Variants in CPQ observed in about 807,000 individuals in gnomAD.
CPQ encodes the protein Ser-Met dipeptidase.
Under a neutral mutation model 45.7 loss-of-function variants are expected in CPQ, and 37 were observed. That is an observed-to-expected ratio of 0.81 (90% CI 0.62 to 1.07). The LOEUF (loss-of-function observed/expected upper bound fraction) is 1.07. Among genes scored for constraint, CPQ ranks in the 50% least tolerant of loss-of-function variants. The pLI, the probability that CPQ is intolerant of heterozygous loss-of-function variation, is 0.00. For missense variants in CPQ, 537 were observed against 572.9 expected (o/e 0.94, Z 0.64); for synonymous variants, 186 against 205.8 (o/e 0.90, Z 0.82).
intron 6 of CPQ, among the ~76,000 whole-genome samples, chr8:97,031,745 A>G (rs1809911097): frequency 6.6e-6 from 1 of 152,234 alleles, no homozygotes; most frequent in African/African-American, 2.4e-5. Flanking sequence ...GACAGCATCC[A>G]GGCTGCCTCC....
intron 7 of CPQ, among the ~76,000 whole-genome samples, chr8:97,085,956 T>C (rs1194907233): frequency 6.6e-6 from 1 of 152,150 alleles, no homozygotes; most frequent in Non-Finnish European, 1.5e-5. Flanking sequence ...AAGTAGCATA[T>C]TTGGAGGCTT....
At chr8:97,104,685 C>T (rs367599925) in intron 7 of CPQ, among the ~76,000 whole-genome samples, 7 of 152,272 alleles carry the variant, frequency 4.6e-5, no homozygotes, top group African/African-American at 1.7e-4. Flanking sequence ...ACAAAATATT[C>T]CCTGAAGGCC....
intron 1 of CPQ, among the ~76,000 whole-genome samples, chr8:96,732,666 C>G (rs1268821549): frequency 1.3e-5 from 2 of 151,766 alleles, no homozygotes; most frequent in Non-Finnish European, 2.9e-5. Flanking sequence ...CATAGGATCT[C>G]TTTTAGCAAT....
chr8:96,967,864 T>A (rs1414543944), intron 5 of CPQ, among the ~76,000 whole-genome samples: 1 of 152,238 alleles, frequency 6.6e-6, no homozygotes, highest in Non-Finnish European at 1.5e-5. Context: ...TCTCTGTGCC[T>A]CAATTTTCTC....
At chr8:97,074,088 A>G (rs1366998600) in intron 7 of CPQ, among the ~76,000 whole-genome samples, 1 of 152,210 alleles carries the variant, frequency 6.6e-6, no homozygotes, top group East Asian at 1.9e-4. Context: ...AAATTGTTAT[A>G]CCATTGGGCA....
intron 1 of CPQ, among the ~76,000 whole-genome samples, chr8:96,724,742 A>G (rs2130765534): frequency 1.3e-5 from 2 of 152,332 alleles, no homozygotes; most frequent in South Asian, 2.1e-4. Context: ...TTCTCACAGA[A>G]TTAGATAAAA....
chr8:96,712,516 C>T (rs1262174661), intron 1 of CPQ, among the ~76,000 whole-genome samples: 2 of 152,218 alleles, frequency 1.3e-5, no homozygotes, highest in Non-Finnish European at 2.9e-5. Flanking sequence ...GCTTCCCAAA[C>T]CCCAGTTCTT....
chr8:97,083,707 A>G (rs1446009346), intron 7 of CPQ, among the ~76,000 whole-genome samples: 1 of 152,202 alleles, frequency 6.6e-6, no homozygotes, highest in Non-Finnish European at 1.5e-5. Flanking sequence ...GAGTGAATGT[A>G]TAAAAGCACC....
intron 1 of CPQ, among the ~76,000 whole-genome samples, chr8:96,683,260 T>C (rs1215010102): frequency 2.0e-5 from 3 of 152,180 alleles, no homozygotes; most frequent in Admixed American, 6.5e-5. Flanking sequence ...ATTTCTTTCA[T>C]TTCTGAAGGA....
chr8:97,123,830 G>T (rs900564140), intron 7 of CPQ, among the ~76,000 whole-genome samples: 2 of 152,046 alleles, frequency 1.3e-5, no homozygotes, highest in African/African-American at 4.8e-5. Context: ...AAGATATACA[G>T]CAAATTCTGT....
chr8:96,912,149 G>A (rs1266428618), intron 4 of CPQ, among the ~76,000 whole-genome samples: 2 of 152,174 alleles, frequency 1.3e-5, no homozygotes, highest in African/African-American at 4.8e-5. Context: ...TTATTAGGAA[G>A]CTTTAGCTGG....
At chr8:97,100,625 G>A (rs1811287055) in intron 7 of CPQ, among the ~76,000 whole-genome samples, 1 of 152,030 alleles carries the variant, frequency 6.6e-6, no homozygotes, top group Non-Finnish European at 1.5e-5. Context: ...CTAAATTTGA[G>A]AATAATACAT....
chr8:96,916,946 G>A (rs1812741869), intron 4 of CPQ, among the ~76,000 whole-genome samples: 1 of 152,132 alleles, frequency 6.6e-6, no homozygotes. Context: ...CACATCAAGG[G>A]TGCAAACTAT....
At chr8:96,888,123 A>G (rs754996178) in intron 4 of CPQ, among the ~76,000 whole-genome samples, 1 of 152,184 alleles carries the variant, frequency 6.6e-6, no homozygotes, top group Non-Finnish European at 1.5e-5. Flanking sequence ...ATTCTTGGCC[A>G]CTAACCACTA....
At chr8:97,016,703 T>C (rs768942941) in intron 5 of CPQ, among the ~76,000 whole-genome samples, 3 of 152,124 alleles carry the variant, frequency 2.0e-5, no homozygotes, top group Non-Finnish European at 4.4e-5. Context: ...GAAAGTATTA[T>C]AGAGATAGGC....
At chr8:97,142,213 A>G (rs17737465) in intron 7 of CPQ, among the ~76,000 whole-genome samples, 37,800 of 152,250 alleles carry the variant, frequency 0.25, 6,004 homozygotes, top group Non-Finnish European at 0.34. Context: ...CAGTCAACCA[A>G]CCAATCAATC....
intron 1 of CPQ, among the ~76,000 whole-genome samples, chr8:96,654,257 C>CT (rs1815612534): frequency 6.6e-6 from 1 of 152,178 alleles, no homozygotes; most frequent in South Asian, 2.1e-4. Context: ...CATTCACCAC[C>CT]TTTTTTCCCA....
At chr8:96,793,352 A>G (rs973624766) in intron 2 of CPQ, among the ~76,000 whole-genome samples, 1 of 152,174 alleles carries the variant, frequency 6.6e-6, no homozygotes, top group African/African-American at 2.4e-5. Context: ...CAGAAAGTGA[A>G]AGGCATATCT....
intron 4 of CPQ, among the ~76,000 whole-genome samples, chr8:96,926,697 C>T (rs572693800): frequency 1.3e-5 from 2 of 148,816 alleles, no homozygotes; most frequent in African/African-American, 5.0e-5. Context: ...TTTTATTGTA[C>T]TTTAAGTTCT....
Sources: gnomAD v4.1 joint callset for allele counts (sites outside exome capture counted in the v4.1 genomes callset) on GRCh38, gnomAD v4.1.1 for gene constraint, MANE v1.5 for transcripts, NCBI Gene and HGNC (gene_info 2026-07-23, HGNC 2026-07-21) for gene names.